The following GRM1 variants were observed in gnomAD, a reference collection of about 807,000 sequenced individuals.
GRM1 encodes glutamate metabotropic receptor 1, also known as metabotropic glutamate receptor 1.
Under a neutral mutation model 90.9 loss-of-function variants are expected in GRM1, and 33 were observed. The ratio of observed to expected loss-of-function variants is 0.36; its 90% CI spans 0.28 to 0.49. The LOEUF (loss-of-function observed/expected upper bound fraction) is 0.49, where lower values mean the gene tolerates loss of function less well. Among genes scored for constraint, GRM1 ranks in the 20% least tolerant of loss-of-function variants. The pLI is 0.99. For synonymous variants in GRM1, 700 were observed against 613.2 expected (o/e 1.14, Z -2.09); for missense variants, 1,190 against 1,534.3 (o/e 0.78, Z 3.75).
At chr6:146,428,640 G>A (rs969831578) in intron 7 of GRM1, among the ~76,000 whole-genome samples, 1 of 152,138 alleles carries the variant, frequency 6.6e-6, no homozygotes, top group Non-Finnish European at 1.5e-5. Flanking sequence ...TTTAAAGGGA[G>A]CGTAATTTAA....
In GRM1 at chr6:146,304,649, A is replaced by T; in HGVS notation, c.989A>T (p.Tyr330Phe). The change falls in exon 3 of 8, where the codon TAT becomes TTT. Residue 330 changes from tyrosine (Y) to phenylalanine (F), a missense_variant. Transcript: ENST00000282753. ...WADRDEVIEG[Y>F]EVEANGGITI... ...GACAGAGATGAAGTCATTGAAGGTTATGAGGTGGAAGCCAACGGGGGAATC... is the reference window on the plus strand; with the variant it reads ...GACAGAGATGAAGTCATTGAAGGTTTTGAGGTGGAAGCCAACGGGGGAATC... 1 of 1,613,844 alleles carries T rather than the reference A, an allele frequency of 6.2e-7. No homozygotes were observed. The highest frequency in any genetic ancestry group is 8.5e-7 in the Non-Finnish European group (1 of 1,179,832).
intron 2 of GRM1, among the ~76,000 whole-genome samples, chr6:146,245,194 TA>T (rs1781014037): frequency 6.6e-6 from 1 of 152,248 alleles, no homozygotes; most frequent in African/African-American, 2.4e-5. Flanking sequence ...AAAATAAAGA[TA>T]AAAAATTCAT....
At chr6:146,272,154 T>G (rs1782187432) in intron 2 of GRM1, among the ~76,000 whole-genome samples, 1 of 152,202 alleles carries the variant, frequency 6.6e-6, no homozygotes, top group African/African-American at 2.4e-5. Context: ...GGCTATTTTC[T>G]GTAATTAGAA....
chr6:146,094,921 G>T (rs929522137), intron 1 of GRM1, among the ~76,000 whole-genome samples: 1 of 151,872 alleles, frequency 6.6e-6, no homozygotes, highest in African/African-American at 2.4e-5. Flanking sequence ...AAGATCCAAA[G>T]GTAAAGTTTC....
intron 2 of GRM1, among the ~76,000 whole-genome samples, chr6:146,283,139 G>A (rs774995936): frequency 6.6e-6 from 1 of 152,206 alleles, no homozygotes; most frequent in Non-Finnish European, 1.5e-5. Flanking sequence ...TGAGCCCAAT[G>A]CATAGCAAGT....
intron 2 of GRM1, among the ~76,000 whole-genome samples, chr6:146,299,623 C>T (rs1311395193): frequency 6.6e-6 from 1 of 152,212 alleles, no homozygotes; most frequent in Non-Finnish European, 1.5e-5. Flanking sequence ...CCTCCAGGTG[C>T]TACTCCTTCA....
intron 1 of GRM1, among the ~76,000 whole-genome samples, chr6:146,157,074 TC>T: frequency 6.6e-6 from 1 of 152,188 alleles, no homozygotes; most frequent in African/African-American, 2.4e-5. Context: ...GATTCAAATA[TC>T]ATTTGAATGC....
At chr6:146,357,378 AC>A in intron 4 of GRM1, 147 bp from the exon 5 acceptor site, 1 of 679,316 alleles carries the variant, frequency 1.5e-6, no homozygotes, top group Non-Finnish European at 2.6e-6. Flanking sequence ...ATCAGAGGAA[AC>A]ATAAGAAATA....
At chr6:146,301,737 C>G (rs564230183) in intron 2 of GRM1, among the ~76,000 whole-genome samples, 91 of 152,026 alleles carry the variant, frequency 6.0e-4, no homozygotes, top group African/African-American at 2.0e-3. Flanking sequence ...AACTATAGCT[C>G]AAATCTTCAA....
At chr6:146,139,774 C>T (rs1583058668) in intron 1 of GRM1, among the ~76,000 whole-genome samples, 3 of 152,206 alleles carry the variant, frequency 2.0e-5, no homozygotes, top group African/African-American at 7.2e-5. Context: ...CATTCCATAT[C>T]TTTTGATTGG....
chr6:146,239,400 T>C (rs1409313562), intron 2 of GRM1, among the ~76,000 whole-genome samples: 1 of 152,180 alleles, frequency 6.6e-6, no homozygotes. Flanking sequence ...GGCATTGCAA[T>C]TGCCATATTA....
rs77070068 is a variant in GRM1, at chr6:146,191,997, G to A, written c.950+32400G>A. Among the ~76,000 whole-genome samples the A allele has an allele frequency of 5.0e-3, 767 of 152,252 alleles. 48 individuals carry two copies. In the East Asian group the frequency reaches 0.12, roughly 24 times the overall value. On this transcript the variant is annotated intron_variant, in intron 2 of 7. Transcript: ENST00000282753. ...ATTGGGATAAACATATTGATCTATTGCAATCTTTTGTTTGTGCTAAGACCA... is the reference window on the plus strand; with the variant it reads ...ATTGGGATAAACATATTGATCTATTACAATCTTTTGTTTGTGCTAAGACCA...
In GRM1 at chr6:146,352,417, G is replaced by T; in HGVS notation, c.1354G>T (p.Asp452Tyr). 1 of 1,614,008 alleles carries T rather than the reference G, an allele frequency of 6.2e-7. No homozygotes were observed. The highest frequency in any genetic ancestry group is 8.5e-7 in the Non-Finnish European group (1 of 1,179,856). ...GCCCATCGACGGCAGCAAGCTGCTG[G>T]ACTTCCTCATCAAGTCCTCATTCAT... ...MKPIDGSKLL[D>Y]FLIKSSFIGV... The change falls in exon 4 of 8, where the codon GAC (aspartate) becomes TAC (tyrosine). Residue 452 changes from aspartate to tyrosine, a missense_variant. Asp to Tyr is a radical substitution (Grantham distance 160). Around this residue, in one of 10 missense-constraint regions of GRM1, gnomAD observed 414 missense variants for 598.4 expected, o/e 0.69. Coordinates refer to ENST00000282753, the MANE Select transcript of GRM1 (RefSeq NM_001278064.2).
At chr6:146,163,034 A>G (rs958568021) in intron 2 of GRM1, among the ~76,000 whole-genome samples, 1 of 152,114 alleles carries the variant, frequency 6.6e-6, no homozygotes, top group Non-Finnish European at 1.5e-5. Context: ...GTAGGGATGT[A>G]TTTATAGACT....
At chr6:146,033,023 T>C (rs890713306) in intron 1 of GRM1, among the ~76,000 whole-genome samples, 1 of 152,214 alleles carries the variant, frequency 6.6e-6, no homozygotes, top group Non-Finnish European at 1.5e-5. Flanking sequence ...CAATCTTATA[T>C]CATATTATTT....
chr6:146,337,141 C>T lies in GRM1; in HGVS notation c.1187-15109C>T, dbSNP rs138664248. ...TGACCTCTGGAGATGTGGAGATGTG[C>T]GGTACAGCAGTCCAGGCAGTACTCC... On this transcript the variant is annotated intron_variant, in intron 3 of 7. Coordinates refer to ENST00000282753, the MANE Select transcript of GRM1 (RefSeq NM_001278064.2). Among the ~76,000 whole-genome samples the T allele has an allele frequency of 2.8e-3, 432 of 152,290 alleles. 3 individuals carry two copies. Among genetic ancestry groups the T allele is most frequent in the African/African-American group, 9.0e-3 (376 of 41,570 alleles).
chr6:146,387,451 C>T (rs1340107426), intron 6 of GRM1, among the ~76,000 whole-genome samples: 2 of 151,872 alleles, frequency 1.3e-5, no homozygotes, highest in African/African-American at 4.8e-5. Flanking sequence ...TATAATATAA[C>T]ATAACATAAT....
At chr6:146,353,706 T>C (rs551756164) in intron 4 of GRM1, among the ~76,000 whole-genome samples, 1 of 152,218 alleles carries the variant, frequency 6.6e-6, no homozygotes, top group Non-Finnish European at 1.5e-5. Context: ...CTCGGCTCAC[T>C]GCAATTTCTG....
intron 1 of GRM1, among the ~76,000 whole-genome samples, chr6:146,053,363 G>T (rs1341510611): frequency 6.6e-6 from 1 of 151,986 alleles, no homozygotes; most frequent in Non-Finnish European, 1.5e-5. Context: ...TATATTTGCA[G>T]AATTTAATTC....
Sources: gnomAD v4.1 joint callset for allele counts (sites outside exome capture counted in the v4.1 genomes callset) on GRCh38, gnomAD v4.1.1 for gene constraint, gnomAD v4.1.1 regional missense constraint, MANE v1.5 for transcripts, NCBI Gene and HGNC (gene_info 2026-07-23, HGNC 2026-07-21) for gene names.